Variants in SENP7 observed in about 807,000 individuals in gnomAD.
SENP7 encodes the protein SUMO specific peptidase 7.
SENP7 carries 64 observed loss-of-function variants against 141.2 expected under a neutral mutation model. The observed-to-expected ratio is 0.45, with a 90% CI of 0.37 to 0.56. The LOEUF (loss-of-function observed/expected upper bound fraction) is 0.56, where lower values mean the gene tolerates loss of function less well. Ranked by LOEUF, SENP7 falls within the 20% of genes least tolerant of loss-of-function variation. SENP7 has a pLI of 0.00. For missense variants in SENP7, 1,025 were observed against 1,212.2 expected (o/e 0.85, Z 2.29); for synonymous variants, 382 against 426.4 (o/e 0.90, Z 1.28).
At chr3:101,358,583 C>G in intron 11 of SENP7, 1 of 198,168 alleles carries the variant, frequency 5.0e-6, no homozygotes, top group South Asian at 8.8e-5. Flanking sequence ...TGGACAGAAA[C>G]TCTACAAGTG....
intron 5 of SENP7, among the ~76,000 whole-genome samples, chr3:101,411,809 A>G (rs1006270305): frequency 4.6e-5 from 7 of 152,178 alleles, no homozygotes; most frequent in Middle Eastern, 3.2e-3. Context: ...GTAAGGTATT[A>G]TTTATTTAAT....
intron 11 of SENP7, among the ~76,000 whole-genome samples, chr3:101,352,428 T>C (rs2059635775): frequency 6.6e-6 from 1 of 152,052 alleles, no homozygotes; most frequent in Non-Finnish European, 1.5e-5. Flanking sequence ...CATCTTTCTT[T>C]GTTTCATGTT....
intron 4 of SENP7, among the ~76,000 whole-genome samples, chr3:101,418,247 T>C (rs768621015): frequency 3.9e-5 from 6 of 151,984 alleles, no homozygotes; most frequent in Admixed American, 6.6e-5. Context: ...AGTCTTAAGA[T>C]ACAGATTTAA....
intron 10 of SENP7, 56 bp downstream of exon 10, chr3:101,364,778 A>G: frequency 8.1e-7 from 1 of 1,227,836 alleles, no homozygotes; most frequent in Non-Finnish European, 1.1e-6. Flanking sequence ...AATAACAGTC[A>G]TTAACCAATA....
intron 12 of SENP7, among the ~76,000 whole-genome samples, chr3:101,350,539 T>C (rs2059586496): frequency 6.6e-6 from 1 of 152,076 alleles, no homozygotes; most frequent in South Asian, 2.1e-4. Context: ...AGAGAGTATT[T>C]TTCCACAATC....
At chr3:101,368,397 T>C (rs777063270) in intron 7 of SENP7, among the ~76,000 whole-genome samples, 2 of 149,910 alleles carry the variant, frequency 1.3e-5, no homozygotes, top group African/African-American at 4.9e-5. Flanking sequence ...TATACAGCCA[T>C]AAAAAAGGAT....
At chr3:101,383,102 G>C (rs1236689135) in intron 6 of SENP7, among the ~76,000 whole-genome samples, 1 of 152,212 alleles carries the variant, frequency 6.6e-6, no homozygotes, top group Non-Finnish European at 1.5e-5. Context: ...ATATCCCCAT[G>C]CTAGAGGTGA....
intron 5 of SENP7, among the ~76,000 whole-genome samples, chr3:101,404,089 C>T (rs560686526): frequency 5.6e-4 from 85 of 152,050 alleles, no homozygotes; most frequent in Non-Finnish European, 1.1e-3. Context: ...CATATGGAAC[C>T]AAAAAGAACC....
At position 101,461,424 on chromosome 3, in the gene SENP7, C is replaced by A. The variant is rs561042739; in HGVS notation, c.187-2372G>T. ...CACAAAAAAATGCAAGTCAAAACCA[C>A]AGTGACATACCATTTCGTACCCACT... On this transcript the variant is annotated intron_variant, in intron 3 of 23. Transcript: ENST00000394095. Among the ~76,000 whole-genome samples the A allele has an allele frequency of 1.5e-3, 232 of 151,990 alleles. 1 individual carries two copies. The highest frequency in any genetic ancestry group is 5.8e-3 in the South Asian group (28 of 4,808).
At chr3:101,387,855 T>C (rs2060703996) in intron 6 of SENP7, among the ~76,000 whole-genome samples, 1 of 152,214 alleles carries the variant, frequency 6.6e-6, no homozygotes, top group Non-Finnish European at 1.5e-5. Context: ...ACATGTATTG[T>C]CAGGGGGACT....
At chr3:101,438,845 G>T (rs1259471799) in intron 4 of SENP7, among the ~76,000 whole-genome samples, 1 of 151,998 alleles carries the variant, frequency 6.6e-6, no homozygotes, top group African/African-American at 2.4e-5. Flanking sequence ...CGCCGCCCGG[G>T]AGGCAGCGGC....
chr3:101,450,819 C>T (rs761333358), intron 4 of SENP7, among the ~76,000 whole-genome samples: 2 of 151,926 alleles, frequency 1.3e-5, no homozygotes, highest in African/African-American at 2.4e-5. Flanking sequence ...GAAGCAAGAG[C>T]AAACATATTC....
At chr3:101,361,907 T>C (rs1346990876) in intron 10 of SENP7, 46 bp from the exon 11 acceptor site, 1 of 1,521,582 alleles carries the variant, frequency 6.6e-7, no homozygotes, top group Non-Finnish European at 8.8e-7. Context: ...TTAAGTACTA[T>C]ATAAATGCTG....
At chr3:101,508,268 T>C (rs1250643251) in intron 1 of SENP7, among the ~76,000 whole-genome samples, 1 of 152,070 alleles carries the variant, frequency 6.6e-6, no homozygotes, top group Non-Finnish European at 1.5e-5. Flanking sequence ...TACAAACTTC[T>C]ACATATCTCC....
rs372044302 is a variant in SENP7 at position 101,456,069 on chromosome 3, T to C, written c.284+2886A>G. Reference sequence around the variant, plus strand: ...TTTAAATTCCACTTTTTAATATTCATACACATTCCCCGGAAATATTTTATG... The same window carrying C: ...TTTAAATTCCACTTTTTAATATTCACACACATTCCCCGGAAATATTTTATG... On this transcript the variant is annotated intron_variant, in intron 4 of 23. Coordinates refer to ENST00000394095, the MANE Select transcript of SENP7 (RefSeq NM_020654.5). 2.9e-4 allele frequency among the ~76,000 whole-genome samples: 44 copies of C among 152,294 alleles called. No homozygotes were observed. In the South Asian group the frequency reaches 8.9e-3, roughly 31 times the overall value.
intron 5 of SENP7, among the ~76,000 whole-genome samples, chr3:101,411,437 T>C (rs1029605680): frequency 6.6e-6 from 1 of 152,208 alleles, no homozygotes; most frequent in African/African-American, 2.4e-5. Flanking sequence ...TACACATAGC[T>C]CTTCATAGCA....
chr3:101,441,691 C>A (rs2062680861), intron 4 of SENP7, among the ~76,000 whole-genome samples: 1 of 152,122 alleles, frequency 6.6e-6, no homozygotes, highest in South Asian at 2.1e-4. Context: ...TGCCTGGACC[C>A]TAACCACCAC....
intron 6 of SENP7, among the ~76,000 whole-genome samples, chr3:101,391,827 T>G (rs2060824570): frequency 6.6e-6 from 1 of 152,114 alleles, no homozygotes; most frequent in Non-Finnish European, 1.5e-5. Context: ...GCAAAAATCC[T>G]CAACAGAATA....
chr3:101,470,286 C>A (rs2063934360), intron 3 of SENP7, among the ~76,000 whole-genome samples: 1 of 152,166 alleles, frequency 6.6e-6, no homozygotes, highest in African/African-American at 2.4e-5. Context: ...TCCAGCAGCA[C>A]ATCAAAAAGC....
Sources: gnomAD v4.1 joint callset for allele counts (sites outside exome capture counted in the v4.1 genomes callset) on GRCh38, gnomAD v4.1.1 for gene constraint, MANE v1.5 for transcripts, NCBI Gene and HGNC (gene_info 2026-07-23, HGNC 2026-07-21) for gene names.